Variants in NKAIN2 observed in about 807,000 individuals in gnomAD.
NKAIN2 encodes sodium/potassium transporting ATPase interacting 2, also known as sodium/potassium-transporting ATPase subunit beta-1-interacting protein 2.
A neutral mutation model predicts 32.6 loss-of-function variants in NKAIN2; 14 were observed. That is an observed-to-expected ratio of 0.43 (90% CI 0.28 to 0.67). The LOEUF (loss-of-function observed/expected upper bound fraction) is 0.67, where lower values mean the gene tolerates loss of function less well. Ranked by LOEUF, NKAIN2 falls within the 30% of genes least tolerant of loss-of-function variation. The pLI, the probability that NKAIN2 is intolerant of heterozygous loss-of-function variation, is 0.17. For missense variants in NKAIN2, 198 were observed against 258.3 expected (o/e 0.77, Z 1.60); for synonymous variants, 80 against 87.2 (o/e 0.92, Z 0.46).
chr6:123,849,109 G>A (rs1889281), intron 1 of NKAIN2, among the ~76,000 whole-genome samples: 128,565 of 152,146 alleles, frequency 0.85, 55,791 homozygotes, highest in South Asian at 0.99. Flanking sequence ...TACTTGCTCC[G>A]GGAATCCTAC....
intron 3 of NKAIN2, among the ~76,000 whole-genome samples, chr6:124,469,088 C>T (rs1446208946): frequency 6.6e-6 from 1 of 152,170 alleles, no homozygotes; most frequent in South Asian, 2.1e-4. Context: ...GTGAATGGTG[C>T]CCCTGGAATT....
chr6:124,526,000 A>C (rs187705081), intron 3 of NKAIN2, among the ~76,000 whole-genome samples: 1 of 152,346 alleles, frequency 6.6e-6, no homozygotes, highest in African/African-American at 2.4e-5. Flanking sequence ...GTAGTTAAAA[A>C]ATGTATATTG....
chr6:124,258,336 T>G (rs1345736896), intron 1 of NKAIN2, among the ~76,000 whole-genome samples: 1 of 152,136 alleles, frequency 6.6e-6, no homozygotes, highest in East Asian at 1.9e-4. Flanking sequence ...AAATAAAGGA[T>G]CAGAACTTAA....
At chr6:124,122,559 G>A (rs1785932902) in intron 1 of NKAIN2, among the ~76,000 whole-genome samples, 1 of 152,088 alleles carries the variant, frequency 6.6e-6, no homozygotes, top group Non-Finnish European at 1.5e-5. Context: ...TTGTGATACT[G>A]TATTACCATG....
At chr6:124,732,945 G>T (rs948388661) in intron 4 of NKAIN2, among the ~76,000 whole-genome samples, 2 of 151,778 alleles carry the variant, frequency 1.3e-5, no homozygotes, top group Admixed American at 1.3e-4. Flanking sequence ...TAGGTGAATG[G>T]ATAAATAAAC....
chr6:123,813,232 T>G (rs1049566725), intron 1 of NKAIN2, among the ~76,000 whole-genome samples: 7 of 152,204 alleles, frequency 4.6e-5, no homozygotes, highest in African/African-American at 1.7e-4. Flanking sequence ...GGAGAAGGGC[T>G]GTGCTGATTG....
At chr6:123,895,724 A>G (rs1326073144) in intron 1 of NKAIN2, among the ~76,000 whole-genome samples, 1 of 152,230 alleles carries the variant, frequency 6.6e-6, no homozygotes, top group African/African-American at 2.4e-5. Context: ...CAGTGAACAG[A>G]GCTGTGTTGT....
intron 2 of NKAIN2, among the ~76,000 whole-genome samples, chr6:124,306,518 A>G (rs1395606234): frequency 2.0e-5 from 3 of 152,184 alleles, no homozygotes; most frequent in Non-Finnish European, 4.4e-5. Context: ...GCAACTGATG[A>G]TTAAAGAAAA....
intron 1 of NKAIN2, among the ~76,000 whole-genome samples, chr6:124,186,209 AGAAGGAAG>A: frequency 6.7e-6 from 1 of 148,854 alleles, no homozygotes; most frequent in Non-Finnish European, 1.5e-5. Flanking sequence ...AAAGAAGGAA[AGAAGGAAG>A]GAAGGAAGGA....
chr6:123,867,453 A>G (rs553870932), intron 1 of NKAIN2, among the ~76,000 whole-genome samples: 1 of 152,362 alleles, frequency 6.6e-6, no homozygotes, highest in East Asian at 1.9e-4. Context: ...TAAATTCTGT[A>G]TGAATTGCAC....
intron 2 of NKAIN2, among the ~76,000 whole-genome samples, chr6:124,354,623 A>C (rs1355137117): frequency 6.6e-6 from 1 of 152,168 alleles, no homozygotes; most frequent in East Asian, 1.9e-4. Flanking sequence ...AAGGTTGATC[A>C]TTGTCCTACA....
intron 3 of NKAIN2, among the ~76,000 whole-genome samples, chr6:124,363,075 T>A (rs1799361648): frequency 6.6e-6 from 1 of 152,184 alleles, no homozygotes; most frequent in African/African-American, 2.4e-5. Context: ...CCTCAAGTGA[T>A]CTGCCCTCAT....
intron 1 of NKAIN2, among the ~76,000 whole-genome samples, chr6:124,282,767 TGA>T (rs1795361218): frequency 6.6e-6 from 1 of 152,204 alleles, no homozygotes; most frequent in African/African-American, 2.4e-5. Flanking sequence ...GAATACTGCT[TGA>T]TTCCTCCACA....
intron 1 of NKAIN2, among the ~76,000 whole-genome samples, chr6:123,875,548 G>A (rs1035639685): frequency 2.0e-5 from 3 of 151,868 alleles, no homozygotes; most frequent in Non-Finnish European, 2.9e-5. Flanking sequence ...TGTAAGGTAG[G>A]TATCGTACTC....
intron 1 of NKAIN2, among the ~76,000 whole-genome samples, chr6:124,271,551 A>T (rs1259277820): frequency 1.3e-5 from 2 of 152,188 alleles, no homozygotes; most frequent in East Asian, 3.9e-4. Flanking sequence ...CCAGTCTCAG[A>T]TGGTATCTTT....
At position 124,028,868 on chromosome 6, in the gene NKAIN2, C is replaced by CATAT. The variant is rs1169500240; in HGVS notation, c.54+224617_54+224620dup. Among the ~76,000 whole-genome samples, 5 of 34,974 alleles carry CATAT rather than the reference C, an allele frequency of 1.4e-4. 1 individual carries two copies. The highest frequency in any genetic ancestry group is 3.5e-4 in the Non-Finnish European group (5 of 14,408). The allele number at this position is 34,974 out of a possible 152,430, so 22.9% of individuals were successfully genotyped here. On this transcript the variant is annotated intron_variant, in intron 1 of 6. Transcript: ENST00000368417. ...ATATATGTGTGTGTCTATATATACACATATATGTATATATATGTGTATATA... is the reference window on the plus strand; with the variant it reads ...ATATATGTGTGTGTCTATATATACACATATATATATGTATATATATGTGTATATA...
At chr6:124,777,864 T>G in intron 4 of NKAIN2, among the ~76,000 whole-genome samples, 1 of 152,006 alleles carries the variant, frequency 6.6e-6, no homozygotes, top group South Asian at 2.1e-4. Flanking sequence ...ATTACAGAAT[T>G]CAGCCATCCT....
At chr6:124,626,082 A>T (rs1231533541) in intron 3 of NKAIN2, among the ~76,000 whole-genome samples, 3 of 117,620 alleles carry the variant, frequency 2.6e-5, no homozygotes, top group African/African-American at 8.9e-5. Context: ...TCCTAATGCT[A>T]TCCCTCCCCA....
At chr6:124,798,061 T>C (rs1780087102) in intron 5 of NKAIN2, among the ~76,000 whole-genome samples, 4 of 136,848 alleles carry the variant, frequency 2.9e-5, no homozygotes, top group African/African-American at 1.1e-4. Flanking sequence ...CTTATCTATC[T>C]ATTATCTATC....
Sources: gnomAD v4.1 joint callset for allele counts (sites outside exome capture counted in the v4.1 genomes callset) on GRCh38, gnomAD v4.1.1 for gene constraint, MANE v1.5 for transcripts, NCBI Gene and HGNC (gene_info 2026-07-23, HGNC 2026-07-21) for gene names.